Variants in MTUS1 observed in about 807,000 individuals in gnomAD.
MTUS1 encodes microtubule-associated tumor suppressor 1.
MTUS1 carries 109 observed loss-of-function variants against 120.8 expected under a neutral mutation model. The observed-to-expected ratio is 0.90, with a 90% confidence interval of 0.77 to 1.06. The LOEUF is 1.06. Ranked by LOEUF, MTUS1 falls within the 50% of genes least tolerant of loss-of-function variation. MTUS1 has a pLI of 0.00. For missense variants in MTUS1, 2,210 were observed against 1,486.3 expected (o/e 1.49, Z -8.01); for synonymous variants, 737 against 550.5 (o/e 1.34, Z -4.74).
chr8:17,703,228 T>C lies in MTUS1; in HGVS notation c.2623+9986A>G, dbSNP rs898275075. On this transcript the variant is annotated intron_variant, in intron 6 of 14. Coordinates refer to ENST00000693296, the MANE Select transcript of MTUS1 (RefSeq NM_001363059.2). ...AATGGACGTGCGAGTAGGAGAGATA[T>C]CGTTAAATTCTTTTCCTAGCAAGGA... Among the ~76,000 whole-genome samples the C allele has an allele frequency of 7.2e-5, 11 of 152,236 alleles. 1 individual carries two copies. Among genetic ancestry groups the C allele is most frequent in the Admixed American group, 5.2e-4 (8 of 15,284 alleles).
At chr8:17,677,347 T>A (rs570838086) in intron 7 of MTUS1, among the ~76,000 whole-genome samples, 98 of 152,328 alleles carry the variant, frequency 6.4e-4, no homozygotes, top group African/African-American at 2.4e-3. Flanking sequence ...ACAGCTTTAC[T>A]AAATGCCCAC....
intron 1 of MTUS1, among the ~76,000 whole-genome samples, chr8:17,796,830 T>A (rs1434829897): frequency 6.6e-6 from 1 of 152,096 alleles, no homozygotes; most frequent in Non-Finnish European, 1.5e-5. Context: ...GCCGGACTTT[T>A]AGGCCAGACA....
At chr8:17,725,376 T>TCC (rs760669422) in intron 3 of MTUS1, among the ~76,000 whole-genome samples, 1 of 152,076 alleles carries the variant, frequency 6.6e-6, no homozygotes, top group African/African-American at 2.4e-5. Flanking sequence ...CACATTAAGC[T>TCC]CCCCTCCTTC....
At chr8:17,748,018 C>A (rs1287372357) in intron 2 of MTUS1, 1 of 152,310 alleles carries the variant, frequency 6.6e-6, no homozygotes, top group Middle Eastern at 3.4e-3. Context: ...ATTCAATTCC[C>A]TCCCACTGGG....
chr8:17,755,662 G>C lies in MTUS1; in HGVS notation c.146C>G (p.Ala49Gly). 1 of 1,614,200 alleles carries C rather than the reference G, an allele frequency of 6.2e-7. No individual in the cohort carries two copies. The highest frequency in any genetic ancestry group is 8.5e-7 in the Non-Finnish European group (1 of 1,180,020). Residue 49 changes from alanine (A) to glycine (G), a missense_variant, in exon 2 of 15, where the codon GCC (alanine) becomes GGC (glycine). Transcript: ENST00000693296. ...ATCAACCACCATGTCATCTGGGTTG[G>C]CAGAATTCCAGTTCACACTGCTGGC... ...SSASSVNWNS[A>G]NPDDMVVDYE...
chr8:17,781,665 G>C (rs2050887602), intron 1 of MTUS1, among the ~76,000 whole-genome samples: 1 of 152,084 alleles, frequency 6.6e-6, no homozygotes, highest in South Asian at 2.1e-4. Context: ...ACGCCAAGAA[G>C]AAATGCTGGC....
rs746692415 is a variant in MTUS1, at chr8:17,755,272, C to G, written c.536G>C (p.Gly179Ala). The change falls in exon 2 of 15, where the codon GGA becomes GCA. Residue 179 changes from glycine (G) to alanine (A), a missense_variant. Gly to Ala is a moderately conservative substitution (Grantham distance 60). Transcript: ENST00000693296. ...NCTFISHHAI[G>A]KSQSFHTAGS... ...AGCAGTATGGAAGGACTGACTCTTT[C>G]CGATGGCATGATGTGATATAAAGGT... The G allele has an allele frequency of 2.2e-5, 35 of 1,614,062 alleles. No individual in the cohort carries two copies. Among genetic ancestry groups the G allele is most frequent in the Admixed American group, 1.5e-4 (9 of 60,006 alleles).
chr8:17,768,918 G>A (rs565321593), intron 1 of MTUS1, among the ~76,000 whole-genome samples: 2 of 152,060 alleles, frequency 1.3e-5, no homozygotes, highest in African/African-American at 4.8e-5. Flanking sequence ...TGGAGTTTTC[G>A]GGGGATTTTT....
chr8:17,645,823 C>G lies in MTUS1; in HGVS notation c.*103G>C. On this transcript the variant is annotated 3_prime_UTR_variant, in exon 15 of 15. Transcript: ENST00000693296. ...CGCTCCAGTTACCCTACGGTGATCA[C>G]ACGTGTGCTGATATACCTCTTGTGC... The G allele has an allele frequency of 6.9e-7, 1 of 1,447,664 alleles. No homozygotes were observed. Among genetic ancestry groups the G allele is most frequent in the South Asian group, 1.4e-5 (1 of 69,784 alleles). The allele number at this position is 1,447,664 out of a possible 1,614,324, so 89.7% of individuals were successfully genotyped here.
At chr8:17,775,759 C>G (rs1051575918) in intron 1 of MTUS1, among the ~76,000 whole-genome samples, 1 of 152,242 alleles carries the variant, frequency 6.6e-6, no homozygotes, top group African/African-American at 2.4e-5. Flanking sequence ...CCACCAGGCA[C>G]TGGGCAAACA....
intron 8 of MTUS1, among the ~76,000 whole-genome samples, chr8:17,669,149 G>A (rs1248364531): frequency 6.6e-6 from 1 of 152,290 alleles, no homozygotes; most frequent in South Asian, 2.1e-4. Context: ...ATCTCTGTAA[G>A]AACAAAATCT....
intron 3 of MTUS1, 57 bp from the exon 4 acceptor site, chr8:17,723,890 C>G (rs1342553121): frequency 7.0e-7 from 1 of 1,422,438 alleles, no homozygotes; most frequent in Non-Finnish European, 9.4e-7. Context: ...AAAGCTGGCA[C>G]TTTTTAAGCC....
At chr8:17,653,643 G>C (rs959788158) in intron 10 of MTUS1, 145 bp from the exon 11 acceptor site, 25 of 618,834 alleles carry the variant, frequency 4.0e-5, no homozygotes, top group Non-Finnish European at 5.7e-5. Flanking sequence ...TATGTAAATT[G>C]GCCATCTGTT....
intron 1 of MTUS1, among the ~76,000 whole-genome samples, chr8:17,763,272 G>C (rs1311164626): frequency 6.6e-6 from 1 of 152,182 alleles, no homozygotes; most frequent in Non-Finnish European, 1.5e-5. Context: ...TTACAGGCGT[G>C]AGCCACCACG....
intron 4 of MTUS1, chr8:17,722,073 G>C (rs1356524707): frequency 1.5e-6 from 2 of 1,326,544 alleles, no homozygotes; most frequent in Admixed American, 3.5e-5. Flanking sequence ...CTAAGAAAGA[G>C]ACTCACTGAT....
At chr8:17,743,551 G>T in intron 3 of MTUS1, 53 bp downstream of exon 3, 1 of 1,539,970 alleles carries the variant, frequency 6.5e-7, no homozygotes. Context: ...AATCATGACT[G>T]TCCAATTTTA....
rs116528990 is a variant in MTUS1 at position 17,661,971 on chromosome 8, G to A, written c.2906-5906C>T. Reference sequence around the variant, plus strand: ...TTTATTTGGCATAAAGACTCATGAAGTATTTTTTAAAGGATGCACATGTAA... The same window carrying A: ...TTTATTTGGCATAAAGACTCATGAAATATTTTTTAAAGGATGCACATGTAA... On this transcript the variant is annotated intron_variant, in intron 8 of 14. Coordinates refer to ENST00000693296, the MANE Select transcript of MTUS1 (RefSeq NM_001363059.2). Among the ~76,000 whole-genome samples, 1,212 of 152,284 alleles carry A rather than the reference G, an allele frequency of 8.0e-3. 18 individuals carry two copies. Among genetic ancestry groups the A allele is most frequent in the African/African-American group, 0.028 (1,158 of 41,546 alleles).
intron 3 of MTUS1, among the ~76,000 whole-genome samples, chr8:17,741,244 T>A (rs2047298865): frequency 6.6e-6 from 1 of 152,046 alleles, no homozygotes; most frequent in African/African-American, 2.4e-5. Flanking sequence ...TATGACCCCG[T>A]TTAACCTTCA....
chr8:17,721,542 C>T (rs1219557099), intron 4 of MTUS1, among the ~76,000 whole-genome samples: 1 of 152,018 alleles, frequency 6.6e-6, no homozygotes, highest in South Asian at 2.1e-4. Context: ...CAAAATTGGT[C>T]CTACACAGAA....
Sources: gnomAD v4.1 joint callset for allele counts (sites outside exome capture counted in the v4.1 genomes callset) on GRCh38, gnomAD v4.1.1 for gene constraint, MANE v1.5 for transcripts, NCBI Gene and HGNC (gene_info 2026-07-23, HGNC 2026-07-21) for gene names.